The following ATR variants were observed in gnomAD, a reference collection of about 807,000 sequenced individuals.
The protein encoded by ATR is serine/threonine-protein kinase ATR.
A neutral mutation model predicts 305.3 loss-of-function variants in ATR; 142 were observed. The ratio of observed to expected loss-of-function variants is 0.47; its 90% CI spans 0.41 to 0.53. The LOEUF is 0.53. Ranked by LOEUF, ATR falls within the 20% of genes least tolerant of loss-of-function variation. The pLI is 0.00. For synonymous variants in ATR, 1,050 were observed against 1,068.1 expected, an observed-to-expected ratio of 0.98 and a Z score of 0.33; for missense variants, 2,135 against 3,133.1, an observed-to-expected ratio of 0.68 and a Z score of 7.60.
Position 142,562,347 on chromosome 3 carries a change from T to C in ATR, c.1055A>G (p.Tyr352Cys), listed in dbSNP as rs200283104. The part of the protein sequence containing the change: ...LKAALCHLLQ[Y>C]FLKFVPAGYE... ...CCCAGCTGGCACAAATTTAAGGAAA[T>C]ACTGCAGTAAATGGCACAAAGCTGC... Residue 352 changes from tyrosine (Y) to cysteine (C), a missense_variant, in exon 4 of 47, where the codon TAT (tyrosine) becomes TGT (cysteine). Tyr to Cys is a radical substitution (Grantham distance 194). Around this residue, in one of 9 missense-constraint regions of ATR, gnomAD observed 744 missense variants for 873.2 expected, o/e 0.85. Transcript: ENST00000350721. 6.2e-7 allele frequency: 1 copy of C among 1,614,140 alleles called. No homozygotes were observed. The highest frequency in any genetic ancestry group is 2.2e-5 in the East Asian group (1 of 44,878).
chr3:142,473,153 T>C (rs1014611674), intron 36 of ATR, among the ~76,000 whole-genome samples: 11 of 152,236 alleles, frequency 7.2e-5, no homozygotes, highest in Admixed American at 2.0e-4. Flanking sequence ...TTTTGGTTCA[T>C]ATCCAAAAAA....
intron 36 of ATR, among the ~76,000 whole-genome samples, chr3:142,475,062 T>C (rs1239770069): frequency 6.6e-6 from 1 of 152,160 alleles, no homozygotes; most frequent in East Asian, 1.9e-4. Flanking sequence ...ATTCTATTAT[T>C]ATGCTTTACA....
chr3:142,464,081 T>C (rs1233068262), intron 41 of ATR, among the ~76,000 whole-genome samples: 2 of 152,186 alleles, frequency 1.3e-5, no homozygotes, highest in East Asian at 3.8e-4. Context: ...AGAAATCAAA[T>C]ACCAACAGAA....
At chr3:142,559,482 T>C in intron 6 of ATR, 41 bp from the exon 7 acceptor site, 1 of 1,583,034 alleles carries the variant, frequency 6.3e-7, no homozygotes. Context: ...GGAATTAAGA[T>C]GAATTTTGTT....
chr3:142,548,012 C>A, intron 15 of ATR, 102 bp from the exon 16 acceptor site: 1 of 990,622 alleles, frequency 1.0e-6, no homozygotes, highest in Non-Finnish European at 1.5e-6. Flanking sequence ...GGAGCTCTAG[C>A]CCAGATGACA....
rs540995085 is a variant in ATR at position 142,537,600 on chromosome 3, T to C, written c.3725+882A>G. Reference sequence around the variant, plus strand: ...AACACATTAACTTTTCCTTCTTCTATGATTTCTCCCTCATTAGACAGTTAC... The same window carrying C: ...AACACATTAACTTTTCCTTCTTCTACGATTTCTCCCTCATTAGACAGTTAC... On this transcript the variant is annotated intron_variant, in intron 19 of 46. Transcript: ENST00000350721. Among the ~76,000 whole-genome samples the C allele has an allele frequency of 2.6e-5, 4 of 152,330 alleles. No individual in the cohort carries two copies. The South Asian group carries it at 8.3e-4, about 32-fold the overall frequency.
chr3:142,519,265 A>T (rs2033038826), intron 24 of ATR, among the ~76,000 whole-genome samples: 1 of 151,970 alleles, frequency 6.6e-6, no homozygotes, highest in Admixed American at 6.6e-5. Context: ...ATACTAAAAC[A>T]CTTTTAATGT....
At chr3:142,577,329 C>T (rs893155193) in intron 1 of ATR, among the ~76,000 whole-genome samples, 2 of 152,116 alleles carry the variant, frequency 1.3e-5, no homozygotes, top group African/African-American at 4.8e-5. Context: ...GAAGTATTAA[C>T]CAGTTAATTC....
intron 24 of ATR, among the ~76,000 whole-genome samples, chr3:142,517,368 A>G (rs899062853): frequency 1.3e-5 from 2 of 151,792 alleles, no homozygotes; most frequent in Admixed American, 6.6e-5. Context: ...AAAAAAACAT[A>G]AAGTAGGGAG....
At chr3:142,565,249 C>G (rs982343739) in intron 3 of ATR, among the ~76,000 whole-genome samples, 1 of 151,938 alleles carries the variant, frequency 6.6e-6, no homozygotes, top group African/African-American at 2.4e-5. Flanking sequence ...AAAGGAATAA[C>G]CAAGCCAGTT....
rs775140300 is a variant in ATR at position 142,556,421 on chromosome 3, C to T, written c.2040G>A (p.Gln680=). ...SCVSGFFILL[Q]QQNSCNRVPK... ...GAACTCTGTTACAAGAATTCTGCTG[C>T]TGCAATAAGATAAAAAATCCACTAA... Residue 680 remains glutamine, a synonymous_variant, in exon 9 of 47, where the codon CAG becomes CAA. Transcript: ENST00000350721. The T allele has an allele frequency of 1.2e-6, 2 of 1,614,042 alleles. No homozygotes were observed. Among genetic ancestry groups the T allele is most frequent in the African/African-American group, 1.3e-5 (1 of 75,026 alleles).
rs2108241905 is a variant in ATR, at chr3:142,449,396, G to T, written c.*33C>A. 6.4e-7 allele frequency: 1 copy of T among 1,561,492 alleles called. No homozygotes were observed. The highest frequency in any genetic ancestry group is 8.8e-7 in the Non-Finnish European group (1 of 1,132,640). On this transcript the variant is annotated 3_prime_UTR_variant, in exon 47 of 47. Coordinates refer to ENST00000350721, the MANE Select transcript of ATR (RefSeq NM_001184.4). ...ATTCATACCAAATGCATTACTTTTA[G>T]ATTATTAACATATTCTTTTACATAA...
At chr3:142,559,493 A>G in intron 6 of ATR, 52 bp from the exon 7 acceptor site, 1 of 1,549,118 alleles carries the variant, frequency 6.5e-7, no homozygotes, top group Non-Finnish European at 8.9e-7. Context: ...GAATTTTGTT[A>G]TAGTCAAACA....
intron 24 of ATR, among the ~76,000 whole-genome samples, chr3:142,518,019 C>T (rs1187795378): frequency 6.6e-6 from 1 of 151,994 alleles, no homozygotes; most frequent in African/African-American, 2.4e-5. Context: ...AATAACTTGC[C>T]CAAGACTTCA....
At chr3:142,479,470 T>C (rs1426574440) in intron 36 of ATR, among the ~76,000 whole-genome samples, 1 of 152,356 alleles carries the variant, frequency 6.6e-6, no homozygotes, top group Non-Finnish European at 1.5e-5. Flanking sequence ...GTTAGTCTGA[T>C]GGGGTTCCCT....
At chr3:142,541,238 T>G (rs1051211218) in intron 17 of ATR, among the ~76,000 whole-genome samples, 1 of 152,196 alleles carries the variant, frequency 6.6e-6, no homozygotes, top group Non-Finnish European at 1.5e-5. Flanking sequence ...AAATACAAGT[T>G]GAGTTCTTTT....
At chr3:142,530,019 G>C (rs2033575341) in intron 21 of ATR, among the ~76,000 whole-genome samples, 2 of 151,920 alleles carry the variant, frequency 1.3e-5, no homozygotes, top group Admixed American at 6.6e-5. Flanking sequence ...TCTTGTTTTG[G>C]TTTTATTCTT....
chr3:142,547,247 A>G (rs1333858239), intron 16 of ATR, among the ~76,000 whole-genome samples: 3 of 152,226 alleles, frequency 2.0e-5, no homozygotes, highest in Admixed American at 2.0e-4. Context: ...TCTATCCAAT[A>G]ATGGATTAAA....
intron 45 of ATR, 80 bp downstream of exon 45, chr3:142,457,524 A>G (rs2070932274): frequency 5.1e-6 from 8 of 1,559,028 alleles, no homozygotes; most frequent in Non-Finnish European, 7.0e-6. Flanking sequence ...AGTGGTTTCT[A>G]CATAAAAACA....
Sources: allele counts gnomAD v4.1 joint callset (sites outside exome capture counted in the v4.1 genomes callset), GRCh38; gene constraint gnomAD v4.1.1; regional missense constraint gnomAD v4.1.1; transcripts MANE v1.5; gene names NCBI Gene and HGNC (gene_info 2026-07-23, HGNC 2026-07-21).